The following CAPN11 variants were observed in gnomAD, a reference collection of about 807,000 sequenced individuals.
The protein encoded by CAPN11 is calpain-11.
CAPN11 carries 108 observed loss-of-function variants against 105.3 expected under a neutral mutation model. The ratio of observed to expected loss-of-function variants is 1.03; its 90% confidence interval spans 0.88 to 1.20. CAPN11 has a LOEUF of 1.20. CAPN11 is among the 50% of genes most tolerant of loss of function. The probability of loss-of-function intolerance (pLI) is 0.00; values close to 1 mark genes in which losing one functional copy is unlikely to be tolerated. For synonymous variants in CAPN11, 329 were observed against 344.5 expected, an observed-to-expected ratio of 0.96 and a Z score of 0.50; for missense variants, 883 against 924.8, an observed-to-expected ratio of 0.95 and a Z score of 0.59.
chr6:44,168,713 G>A (rs1043682843), intron 2 of CAPN11, among the ~76,000 whole-genome samples: 32 of 152,014 alleles, frequency 2.1e-4, no homozygotes, highest in African/African-American at 7.7e-4. Context: ...TCCGCCTCCT[G>A]GGTTCAAGCG....
At chr6:44,175,145 A>C (rs1771744705) in intron 7 of CAPN11, among the ~76,000 whole-genome samples, 1 of 152,150 alleles carries the variant, frequency 6.6e-6, no homozygotes, top group South Asian at 2.1e-4. Context: ...AGCACTTGTA[A>C]AACTGGGGAA....
chr6:44,181,054 G>T, intron 18 of CAPN11, 57 bp downstream of exon 18: 1 of 1,519,276 alleles, frequency 6.6e-7, no homozygotes, highest in South Asian at 1.1e-5. Flanking sequence ...GCCTGGCCCA[G>T]AGATGGCCAC....
chr6:44,163,329 C>A (rs917460475), intron 1 of CAPN11, among the ~76,000 whole-genome samples: 1 of 152,204 alleles, frequency 6.6e-6, no homozygotes, highest in African/African-American at 2.4e-5. Flanking sequence ...CCCCTGTCAG[C>A]TGCTCCACAC....
chr6:44,173,024 A>G lies in CAPN11; in HGVS notation c.613A>G (p.Thr205Ala), dbSNP rs1771284498. The G allele has an allele frequency of 2.5e-6, 4 of 1,613,284 alleles. No individual in the cohort carries two copies. Among genetic ancestry groups the G allele is most frequent in the Non-Finnish European group, 3.4e-6 (4 of 1,179,612 alleles). ...KNDKLVFVHS[T>A]ERSEFWSALL... ...TGACAAGCTGGTGTTTGTGCACTCA[A>G]CCGAACGCAGTGAGTTCTGGAGTGC... The change falls in exon 6 of 23, where the codon ACC (threonine) becomes GCC (alanine). Residue 205 changes from threonine to alanine, a missense_variant. Thr to Ala is a moderately conservative substitution (Grantham distance 58). Transcript: ENST00000398776.
At chr6:44,182,070 CCACA>C (rs746430151) in intron 19 of CAPN11, among the ~76,000 whole-genome samples, 2 of 12,342 alleles carry the variant, frequency 1.6e-4, no homozygotes, top group African/African-American at 1.9e-3. Context: ...CACAACCACA[CCACA>C]CACACACACA....
intron 12 of CAPN11, among the ~76,000 whole-genome samples, chr6:44,178,312 C>G (rs976966956): frequency 6.6e-6 from 1 of 152,156 alleles, no homozygotes; most frequent in Non-Finnish European, 1.5e-5. Flanking sequence ...CTTCTCCACA[C>G]GCCCCGCCCG....
Position 44,176,888 on chromosome 6 carries a change from A to G in CAPN11, c.1127A>G (p.Asn376Ser), listed in dbSNP as rs762739848. The change falls in exon 11 of 23, where the codon AAC (asparagine) becomes AGC (serine). Residue 376 changes from asparagine to serine, a missense_variant. Coordinates refer to ENST00000398776, the MANE Select transcript of CAPN11 (RefSeq NM_007058.4). Reference protein sequence around the residue: ...LNNFTLLEICNLTPDTLSGDY... With the variant: ...LNNFTLLEICSLTPDTLSGDY... Reference sequence around the variant, plus strand: ...AACTTCACGCTCCTGGAGATCTGCAACCTCACGCCTGATACACTCTCTGGG... The same window carrying G: ...AACTTCACGCTCCTGGAGATCTGCAGCCTCACGCCTGATACACTCTCTGGG... The G allele has an allele frequency of 5.6e-6, 9 of 1,613,750 alleles. No individual in the cohort carries two copies. Among genetic ancestry groups the G allele is most frequent in the South Asian group, 1.1e-5 (1 of 91,086 alleles).
chr6:44,160,382 C>T (rs1286179769), intron 1 of CAPN11, among the ~76,000 whole-genome samples: 1 of 152,196 alleles, frequency 6.6e-6, no homozygotes, highest in African/African-American at 2.4e-5. Flanking sequence ...CTTTGGGAGG[C>T]CGTGGCGGGC....
chr6:44,165,428 G>A (rs1180333848), intron 1 of CAPN11, among the ~76,000 whole-genome samples: 1 of 152,252 alleles, frequency 6.6e-6, no homozygotes, highest in Non-Finnish European at 1.5e-5. Context: ...AGGCCTCCCT[G>A]TGAGGGGATG....
chr6:44,166,198 A>G (rs1469110415), intron 1 of CAPN11, among the ~76,000 whole-genome samples: 1 of 152,122 alleles, frequency 6.6e-6, no homozygotes, highest in Non-Finnish European at 1.5e-5. Context: ...TTCAGCAATG[A>G]ATCATCTGTC....
intron 5 of CAPN11, 65 bp from the exon 6 acceptor site, chr6:44,172,875 C>G: frequency 6.4e-7 from 1 of 1,559,260 alleles, no homozygotes; most frequent in East Asian, 2.3e-5. Flanking sequence ...GTCATCAGGT[C>G]TGGCCACTAG....
Position 44,158,846 on chromosome 6 carries a change from A to T in CAPN11, c.-3A>T, listed in dbSNP as rs1181656920. 3.6e-5 allele frequency: 56 copies of T among 1,551,366 alleles called. No homozygotes were observed. The highest frequency in any genetic ancestry group is 4.8e-5 in the Non-Finnish European group (55 of 1,146,830). Reference sequence around the variant, plus strand: ...ACTGTCAAGCACCGAGCTAGCCACCAGCATGCTGTACTCCCCAGGTAGGCA... The same window carrying T: ...ACTGTCAAGCACCGAGCTAGCCACCTGCATGCTGTACTCCCCAGGTAGGCA... On this transcript the variant is annotated 5_prime_UTR_variant, in exon 1 of 23. Coordinates refer to ENST00000398776, the MANE Select transcript of CAPN11 (RefSeq NM_007058.4).
intron 7 of CAPN11, among the ~76,000 whole-genome samples, chr6:44,173,937 C>G (rs1771493654): frequency 6.6e-6 from 1 of 152,122 alleles, no homozygotes; most frequent in African/African-American, 2.4e-5. Context: ...TTTATTGTGA[C>G]CTGAAATTAT....
chr6:44,170,300 T>C (rs1159094795), intron 4 of CAPN11, among the ~76,000 whole-genome samples: 1 of 152,166 alleles, frequency 6.6e-6, no homozygotes, highest in African/African-American at 2.4e-5. Flanking sequence ...GGGTCAGAAA[T>C]TCAGAAGCAG....
chr6:44,171,747 AC>A (rs1771041835), intron 4 of CAPN11, among the ~76,000 whole-genome samples: 1 of 152,148 alleles, frequency 6.6e-6, no homozygotes, highest in Non-Finnish European at 1.5e-5. Flanking sequence ...CTCAAGAAAA[AC>A]AAAAGGATGT....
rs150427721 is a variant in CAPN11, at chr6:44,181,449, TCACACACACACACACACA to T, written c.1938+131_1938+148del. Reference sequence around the variant, plus strand: ...ACACACACACCCAACCACACCACACTCACACACACACACACACACTCACATACAGACACAACCACACCA... The same window carrying T: ...ACACACACACCCAACCACACCACACTCTCACATACAGACACAACCACACCA... On this transcript the variant is annotated intron_variant, in intron 19 of 22. Coordinates refer to ENST00000398776, the MANE Select transcript of CAPN11 (RefSeq NM_007058.4). 7.3e-4 allele frequency: 215 copies of T among 293,472 alleles called. 16 individuals are homozygous for T. In the African/African-American group the frequency reaches 9.7e-3, roughly 13 times the overall value. 18.2% of individuals were successfully genotyped at this position (293,472 alleles called of 1,614,324 possible). A position where few individuals can be genotyped will look rare whatever the true frequency, so the allele number is the denominator to read the frequency against.
chr6:44,176,613 T>C lies in CAPN11; in HGVS notation c.1034T>C (p.Ile345Thr), dbSNP rs1772072866. 1 of 1,610,490 alleles carries C rather than the reference T, an allele frequency of 6.2e-7. No individual in the cohort carries two copies. The highest frequency in any genetic ancestry group is 8.5e-7 in the Non-Finnish European group (1 of 1,177,786). ...GAGTGGGAAGAGGTGGCCTCAGACA[T>C]CCAGATGCAGCTGCTGCACAAGACG... ...AREWEEVASD[I>T]QMQLLHKTED... Residue 345 changes from isoleucine to threonine, a missense_variant, in exon 10 of 23, where the codon ATC (isoleucine) becomes ACC (threonine). Physicochemically the swap from Ile to Thr is moderately conservative, Grantham distance 89. Transcript: ENST00000398776.
At chr6:44,166,966 T>A (rs1770005299) in intron 2 of CAPN11, 137 bp downstream of exon 2, 1 of 640,316 alleles carries the variant, frequency 1.6e-6, no homozygotes, top group African/African-American at 1.8e-5. Flanking sequence ...GAGGGGAGGC[T>A]ACCCTCAGGA....
intron 4 of CAPN11, among the ~76,000 whole-genome samples, chr6:44,170,542 T>C (rs915941508): frequency 1.3e-5 from 2 of 152,196 alleles, no homozygotes; most frequent in African/African-American, 4.8e-5. Context: ...GGTAGCTTGC[T>C]CTTCCAAAGC....
Sources: allele counts gnomAD v4.1 joint callset (sites outside exome capture counted in the v4.1 genomes callset), GRCh38; gene constraint gnomAD v4.1.1; transcripts MANE v1.5; gene names NCBI Gene and HGNC (gene_info 2026-07-23, HGNC 2026-07-21).